SNRPC: variants seen among roughly 807,000 people sequenced by gnomAD.
The protein encoded by SNRPC is small nuclear ribonucleoprotein polypeptide C.
In SNRPC, 5 loss-of-function variants were observed where a neutral mutation model predicts 20.0. The observed-to-expected ratio is 0.25, with a 90% CI of 0.13 to 0.53. The LOEUF is 0.53. Ranked by LOEUF, SNRPC falls within the 20% of genes least tolerant of loss-of-function variation. The pLI, the probability that SNRPC is intolerant of heterozygous loss-of-function variation, is 0.96. For missense variants in SNRPC, 112 were observed against 224.1 expected (o/e 0.50, Z 3.19); for synonymous variants, 61 against 58.7 (o/e 1.04, Z -0.18).
chr6:34,768,780 A>AT (rs762047630), intron 4 of SNRPC, among the ~76,000 whole-genome samples: 39 of 151,624 alleles, frequency 2.6e-4, no homozygotes, highest in Non-Finnish European at 4.7e-4. Flanking sequence ...AGAAAAGAAA[A>AT]GAAGGAAAGG....
intron 2 of SNRPC, among the ~76,000 whole-genome samples, chr6:34,760,825 T>A (rs969132310): frequency 6.6e-5 from 10 of 151,822 alleles, no homozygotes; most frequent in Admixed American, 1.3e-4. Flanking sequence ...GGTGGGCAGA[T>A]CACGAGATCA....
intron 5 of SNRPC, among the ~76,000 whole-genome samples, chr6:34,770,684 G>A (rs1764674560): frequency 6.6e-6 from 1 of 152,204 alleles, no homozygotes; most frequent in Admixed American, 6.5e-5. Flanking sequence ...AAGCAGGATA[G>A]GTTGCTTCTG....
intron 1 of SNRPC, 178 bp downstream of exon 1, chr6:34,757,729 C>G: frequency 6.7e-7 from 1 of 1,491,340 alleles, no homozygotes; most frequent in Non-Finnish European, 9.1e-7. Context: ...GCAGATGGAT[C>G]CCGCTTAAGG....
At chr6:34,760,317 A>C (rs1301537550) in intron 2 of SNRPC, among the ~76,000 whole-genome samples, 1 of 151,784 alleles carries the variant, frequency 6.6e-6, no homozygotes, top group Admixed American at 6.6e-5. Context: ...TTCACCATGA[A>C]AAAACGGTCC....
rs1285988239 is a variant in SNRPC at position 34,773,587 on chromosome 6, T to C, written c.*17T>C. The C allele has an allele frequency of 6.2e-7, 1 of 1,610,864 alleles. No individual in the cohort carries two copies. Among genetic ancestry groups the C allele is most frequent in the South Asian group, 1.1e-5 (1 of 90,952 alleles). On this transcript the variant is annotated 3_prime_UTR_variant, in exon 6 of 6. Transcript: ENST00000244520. The surrounding 1 kb of genome is among the most constrained non-coding windows in gnomAD (Gnocchi z 4.1). ...GACAGATAAGGATAGAGGGGAGGCCTTATTGTATCGGTTTTATATTACCTG... is the reference window on the plus strand; with the variant it reads ...GACAGATAAGGATAGAGGGGAGGCCCTATTGTATCGGTTTTATATTACCTG...
chr6:34,763,909 A>G (rs137931729), intron 3 of SNRPC, among the ~76,000 whole-genome samples: 64,601 of 147,532 alleles, frequency 0.44, 15,909 homozygotes, highest in African/African-American at 0.67. Flanking sequence ...TAGAGACGGG[A>G]TTTCACCATC....
chr6:34,772,014 T>G (rs1764697987), intron 5 of SNRPC, among the ~76,000 whole-genome samples: 1 of 152,206 alleles, frequency 6.6e-6, no homozygotes, highest in African/African-American at 2.4e-5. Context: ...TTGCCTTTTC[T>G]CCTGAGTTTG....
intron 3 of SNRPC, 79 bp from the exon 4 acceptor site, chr6:34,767,829 A>G: frequency 7.0e-7 from 1 of 1,420,478 alleles, no homozygotes; most frequent in Non-Finnish European, 9.3e-7. Context: ...TGAAGACTTA[A>G]AGAAAGTGGT....
At chr6:34,765,974 C>A (rs1764608526) in intron 3 of SNRPC, among the ~76,000 whole-genome samples, 1 of 151,996 alleles carries the variant, frequency 6.6e-6, no homozygotes, top group African/African-American at 2.4e-5. Context: ...CTCCTGGCCT[C>A]AAGCAATCCT....
At chr6:34,758,786 G>C (rs114221048) in intron 2 of SNRPC, among the ~76,000 whole-genome samples, 5,482 of 152,052 alleles carry the variant, frequency 0.036, 301 homozygotes, top group African/African-American at 0.12. Flanking sequence ...AAAACCCTTG[G>C]GAGGCCGAGG....
chr6:34,758,029 G>A, intron 2 of SNRPC, 75 bp downstream of exon 2: 4 of 1,499,626 alleles, frequency 2.7e-6, no homozygotes, highest in South Asian at 2.4e-5. Flanking sequence ...TTTTTTTTAA[G>A]TTGCAAGTTG....
intron 3 of SNRPC, among the ~76,000 whole-genome samples, chr6:34,764,081 C>G (rs892683830): frequency 2.0e-5 from 3 of 151,776 alleles, no homozygotes; most frequent in Non-Finnish European, 4.4e-5. Flanking sequence ...GGCTTACTTA[C>G]GCCTGTAATC....
chr6:34,765,582 G>A lies in SNRPC; in HGVS notation c.161-2326G>A, dbSNP rs537937701. 1.2e-4 allele frequency among the ~76,000 whole-genome samples: 18 copies of A among 152,014 alleles called. No homozygotes were observed. In the East Asian group the frequency reaches 3.5e-3, roughly 29 times the overall value. The stretch of plus-strand genomic sequence containing the variant: ...CTCCCGAGTAGCTGGGACTACAGGT[G>A]CATGCCACCACACCTGGCTAATTTT... On this transcript the variant is annotated intron_variant, in intron 3 of 5. Transcript: ENST00000244520.
At chr6:34,763,332 T>A (rs1476727333) in intron 3 of SNRPC, among the ~76,000 whole-genome samples, 2 of 152,142 alleles carry the variant, frequency 1.3e-5, no homozygotes, top group African/African-American at 2.4e-5. Flanking sequence ...CCTTTCTTAA[T>A]CATTCATTGT....
At chr6:34,770,824 T>G (rs573604063) in intron 5 of SNRPC, among the ~76,000 whole-genome samples, 1 of 152,336 alleles carries the variant, frequency 6.6e-6, no homozygotes, top group South Asian at 2.1e-4. Flanking sequence ...TTCTCAGTTT[T>G]GATTTGGAGC....
At chr6:34,764,725 A>C (rs1687659665) in intron 3 of SNRPC, among the ~76,000 whole-genome samples, 4 of 151,934 alleles carry the variant, frequency 2.6e-5, no homozygotes, top group Admixed American at 2.6e-4. Flanking sequence ...TTTTCAAATA[A>C]AATAGAGAAG....
intron 5 of SNRPC, among the ~76,000 whole-genome samples, chr6:34,771,057 G>C (rs185643318): frequency 3.9e-5 from 6 of 152,084 alleles, no homozygotes; most frequent in African/African-American, 1.4e-4. Flanking sequence ...GGCCAGGCGC[G>C]GTGGCTCATG....
chr6:34,757,989 CT>C (rs1561788339), intron 2 of SNRPC, 35 bp downstream of exon 2: 1 of 1,581,896 alleles, frequency 6.3e-7, no homozygotes, highest in Non-Finnish European at 8.5e-7. Flanking sequence ...TTCAAAAAGC[CT>C]TATGTGTAAT....
intron 3 of SNRPC, among the ~76,000 whole-genome samples, chr6:34,767,161 A>T (rs1460810387): frequency 2.6e-5 from 4 of 152,240 alleles, no homozygotes; most frequent in Non-Finnish European, 5.9e-5. Flanking sequence ...GTAAACCAAC[A>T]TGGTGTATTA....
Sources: allele counts gnomAD v4.1 joint callset (sites outside exome capture counted in the v4.1 genomes callset), GRCh38; gene constraint gnomAD v4.1.1; non-coding constraint Gnocchi (gnomAD v3.1); transcripts MANE v1.5; gene names NCBI Gene and HGNC (gene_info 2026-07-23, HGNC 2026-07-21).